Variants in SLC4A4 observed in about 807,000 individuals in gnomAD.
SLC4A4 encodes solute carrier family 4 member 4.
In SLC4A4, 27 loss-of-function variants were observed where a neutral mutation model predicts 111.5. The ratio of observed to expected loss-of-function variants is 0.24; its 90% CI spans 0.18 to 0.33. The LOEUF (loss-of-function observed/expected upper bound fraction) is 0.33. SLC4A4 is among the 10% of genes least tolerant of loss of function. SLC4A4 has a pLI of 1.00. For synonymous variants in SLC4A4, 443 were observed against 463.4 expected (o/e 0.96, Z 0.57); for missense variants, 909 against 1,315.5 (o/e 0.69, Z 4.78).
intron 1 of SLC4A4, among the ~76,000 whole-genome samples, chr4:71,086,183 A>C (rs1295393554): frequency 6.6e-6 from 1 of 151,486 alleles, no homozygotes; most frequent in Non-Finnish European, 1.5e-5. Flanking sequence ...ATGGGAGTTC[A>C]CTCATGATTT....
intron 2 of SLC4A4, among the ~76,000 whole-genome samples, chr4:71,124,100 C>T (rs1262005300): frequency 6.6e-6 from 1 of 151,786 alleles, no homozygotes; most frequent in Non-Finnish European, 1.5e-5. Flanking sequence ...AAGGGACACA[C>T]AGACAGTCTG....
intron 3 of SLC4A4, among the ~76,000 whole-genome samples, chr4:71,334,495 C>T (rs113232196): frequency 2.0e-5 from 3 of 152,230 alleles, no homozygotes; most frequent in African/African-American, 7.2e-5. Flanking sequence ...GGTGCAAGCA[C>T]TTTCTTGGCT....
intron 3 of SLC4A4, among the ~76,000 whole-genome samples, chr4:71,314,216 A>G (rs1345870284): frequency 6.6e-6 from 1 of 152,210 alleles, no homozygotes; most frequent in African/African-American, 2.4e-5. Context: ...CAAAATCACA[A>G]TGAGATACCA....
chr4:71,121,843 C>G (rs1160681137), intron 2 of SLC4A4, among the ~76,000 whole-genome samples: 1 of 152,160 alleles, frequency 6.6e-6, no homozygotes, highest in African/African-American at 2.4e-5. Flanking sequence ...CTCTTTGGGT[C>G]CACACTGCCT....
intron 3 of SLC4A4, among the ~76,000 whole-genome samples, chr4:71,331,939 T>G (rs555482901): frequency 1.8e-4 from 28 of 152,306 alleles, no homozygotes; most frequent in African/African-American, 6.5e-4. Flanking sequence ...TGTCCATTTC[T>G]TCTAAGTTTC....
rs777893932 is a variant in SLC4A4 at position 71,277,515 on chromosome 4, T to TTTCC, written c.253+22132_253+22135dup. On this transcript the variant is annotated intron_variant, in intron 3 of 25. Coordinates refer to ENST00000264485, the MANE Select transcript of SLC4A4 (RefSeq NM_001098484.3). ...TCCCTTCCCTTCCTTTTCCTTCCCT[T>TTTCC]TTCCTTCCTTCCTTCCTTCTCTTTT... Among the ~76,000 whole-genome samples, 5 of 151,668 alleles carry TTTCC rather than the reference T, an allele frequency of 3.3e-5. No homozygotes were observed. The East Asian group carries it at 5.8e-4, about 18-fold the overall frequency.
chr4:71,466,322 C>T (rs1358721386), intron 12 of SLC4A4, 122 bp from the exon 13 acceptor site: 2 of 1,075,128 alleles, frequency 1.9e-6, no homozygotes, highest in Non-Finnish European at 1.4e-6. Flanking sequence ...GTTCTTCATT[C>T]TTGATATGTT....
chr4:71,439,225 G>A (rs897864033), intron 7 of SLC4A4, among the ~76,000 whole-genome samples: 1 of 151,072 alleles, frequency 6.6e-6, no homozygotes, highest in South Asian at 2.1e-4. Flanking sequence ...TCAGGAGTTC[G>A]AGACCAGCCT....
chr4:71,159,590 C>T (rs1288264572), intron 2 of SLC4A4, among the ~76,000 whole-genome samples: 1 of 152,140 alleles, frequency 6.6e-6, no homozygotes, highest in Non-Finnish European at 1.5e-5. Flanking sequence ...TCTGGAACTC[C>T]TGACTTCAAG....
At chr4:71,556,764 G>T (rs1283500445) in intron 21 of SLC4A4, among the ~76,000 whole-genome samples, 2 of 151,868 alleles carry the variant, frequency 1.3e-5, no homozygotes, top group Non-Finnish European at 2.9e-5. Context: ...TAGTTCTAGA[G>T]GGAAAAAGAA....
intron 4 of SLC4A4, among the ~76,000 whole-genome samples, chr4:71,339,930 G>T (rs1456934217): frequency 2.0e-5 from 3 of 152,118 alleles, no homozygotes; most frequent in African/African-American, 7.2e-5. Context: ...TCAAGAGGTG[G>T]GTTTTGGCCA....
In SLC4A4 at chr4:71,421,734, C is replaced by G. The variant is rs191034120; in HGVS notation, c.808-18882C>G. Among the ~76,000 whole-genome samples, 812 of 152,314 alleles carry G rather than the reference C, an allele frequency of 5.3e-3. 5 individuals carry two copies. The highest frequency in any genetic ancestry group is 0.031 in the Middle Eastern group (9 of 294). ...AACTGAACAACCTGCTCCTGAATGA[C>G]TACTGGGTACATAACAAAAGGAAGG... On this transcript the variant is annotated intron_variant, in intron 7 of 25. Transcript: ENST00000264485.
chr4:71,213,948 A>G (rs1718278347), intron 1 of SLC4A4, among the ~76,000 whole-genome samples: 2 of 152,158 alleles, frequency 1.3e-5, no homozygotes, highest in South Asian at 2.1e-4. Context: ...CACCCAGTCT[A>G]TGATGTTGTG....
At chr4:71,513,223 G>T (rs1732084340) in intron 16 of SLC4A4, among the ~76,000 whole-genome samples, 2 of 152,024 alleles carry the variant, frequency 1.3e-5, no homozygotes, top group South Asian at 4.1e-4. Flanking sequence ...AGACTGCTTT[G>T]TACATTATGG....
chr4:71,293,220 C>T (rs1403670509), intron 3 of SLC4A4, among the ~76,000 whole-genome samples: 1 of 151,220 alleles, frequency 6.6e-6, no homozygotes, highest in Non-Finnish European at 1.5e-5. Context: ...CAGACCACAA[C>T]TTAAAAACAA....
Position 71,472,534 on chromosome 4 carries a change from T to C in SLC4A4, c.1632-165T>C, listed in dbSNP as rs76511175. On this transcript the variant is annotated intron_variant, in intron 13 of 25. Coordinates refer to ENST00000264485, the MANE Select transcript of SLC4A4 (RefSeq NM_001098484.3). The stretch of plus-strand genomic sequence containing the variant: ...TATTTTAAAAATTGTATCATTAAAC[T>C]AAATTCTTAAACTTAGTGCTTTCTG... Among the ~76,000 whole-genome samples the C allele has an allele frequency of 5.5e-3, 843 of 152,112 alleles. 7 individuals carry two copies. The highest frequency in any genetic ancestry group is 0.019 in the African/African-American group (804 of 41,546).
chr4:71,108,278 T>C (rs1424836276), intron 2 of SLC4A4, among the ~76,000 whole-genome samples: 5 of 152,222 alleles, frequency 3.3e-5, no homozygotes, highest in Non-Finnish European at 7.3e-5. Context: ...AACTACTGTC[T>C]AATGTTCTTT....
rs752065038 is a variant in SLC4A4, at chr4:71,134,627, T to C, written c.-2+41835T>C. ...CAATATCACTGAATACTAGAGTGTA[T>C]TGCTCCGAATAGAAGCCCCAGAGGC... is the stretch of plus-strand genomic sequence containing the variant. On this transcript the variant is annotated intron_variant, in intron 2 of 26. Transcript: ENST00000649996. Among the ~76,000 whole-genome samples, 7 of 152,230 alleles carry C rather than the reference T, an allele frequency of 4.6e-5. No individual in the cohort carries two copies. The East Asian group carries it at 5.8e-4, about 13-fold the overall frequency.
intron 16 of SLC4A4, among the ~76,000 whole-genome samples, chr4:71,526,962 C>G (rs1185859009): frequency 6.6e-6 from 1 of 152,070 alleles, no homozygotes; most frequent in Non-Finnish European, 1.5e-5. Flanking sequence ...TTTACAAGAA[C>G]CCCTGTGATT....
Sources: gnomAD v4.1 joint callset for allele counts (sites outside exome capture counted in the v4.1 genomes callset) on GRCh38, gnomAD v4.1.1 for gene constraint, MANE v1.5 for transcripts, NCBI Gene and HGNC (gene_info 2026-07-23, HGNC 2026-07-21) for gene names.